Variants in MIA2 observed in about 807,000 individuals in gnomAD.
MIA2 encodes the protein melanoma inhibitory activity protein 2.
Under a neutral mutation model 167.8 loss-of-function variants are expected in MIA2, and 127 were observed. The ratio of observed to expected loss-of-function variants is 0.76; its 90% CI spans 0.66 to 0.88. MIA2 has a LOEUF of 0.88. MIA2 is among the 40% of genes least tolerant of loss of function. The probability of loss-of-function intolerance (pLI) is 0.00; values close to 1 mark genes in which losing one functional copy is unlikely to be tolerated. For synonymous variants in MIA2, 552 were observed against 541.9 expected, an observed-to-expected ratio of 1.02 and a Z score of -0.26; for missense variants, 1,690 against 1,624.7, an observed-to-expected ratio of 1.04 and a Z score of -0.69.
At chr14:39,310,367 A>G (rs1039848329) in intron 18 of MIA2, among the ~76,000 whole-genome samples, 1 of 152,224 alleles carries the variant, frequency 6.6e-6, no homozygotes, top group Non-Finnish European at 1.5e-5. Context: ...TTTAAGCACA[A>G]GAATGCTGTG....
In MIA2 at chr14:39,246,990, A is replaced by G; in HGVS notation, c.416A>G (p.Glu139Gly). The G allele has an allele frequency of 6.4e-7, 1 of 1,562,976 alleles. No individual in the cohort carries two copies. Among genetic ancestry groups the G allele is most frequent in the Non-Finnish European group, 8.6e-7 (1 of 1,160,370 alleles). Residue 139 changes from glutamate to glycine, a missense_variant, in exon 4 of 29, where the codon GAA (glutamate) becomes GGA (glycine). Coordinates refer to ENST00000640607, the MANE Select transcript of MIA2 (RefSeq NM_001329214.4). ...EDSELNGDYGENIYPYEEDKD... is the reference protein window; with the variant it reads ...EDSELNGDYGGNIYPYEEDKD... ...AGTGAATTAAACGGTGATTATGGTG[A>G]AAATATATATCCTTATGAAGAAGAT...
At chr14:39,364,709 A>G (rs1046554793) in intron 23 of MIA2, among the ~76,000 whole-genome samples, 1 of 134,950 alleles carries the variant, frequency 7.4e-6, no homozygotes, top group Non-Finnish European at 1.7e-5. Context: ...CTTGGCTGAT[A>G]GTTTGTTTTT....
intron 6 of MIA2, among the ~76,000 whole-genome samples, chr14:39,275,113 C>T: frequency 8.3e-6 from 1 of 120,334 alleles, no homozygotes. Flanking sequence ...TAAATTATTC[C>T]TTAATTTCCA....
At chr14:39,369,639 T>C (rs2074895101) in intron 23 of MIA2, among the ~76,000 whole-genome samples, 1 of 152,240 alleles carries the variant, frequency 6.6e-6, no homozygotes, top group Non-Finnish European at 1.5e-5. Context: ...GCCTCCTTTA[T>C]TCTTTTTACT....
At chr14:39,360,107 G>T (rs1468880691) in intron 23 of MIA2, among the ~76,000 whole-genome samples, 1 of 151,444 alleles carries the variant, frequency 6.6e-6, no homozygotes, top group Non-Finnish European at 1.5e-5. Flanking sequence ...TTGGAGACCA[G>T]CATGGCCAAT....
intron 18 of MIA2, among the ~76,000 whole-genome samples, chr14:39,311,462 GTTGCT>G (rs1379637836): frequency 0.035 from 3,801 of 109,930 alleles, 405 homozygotes; most frequent in East Asian, 0.13. Context: ...AGCTTGATGT[GTTGCT>G]TTTTTTTTTT....
intron 22 of MIA2, among the ~76,000 whole-genome samples, chr14:39,318,779 A>G (rs1595551658): frequency 6.6e-6 from 1 of 152,166 alleles, no homozygotes; most frequent in Admixed American, 6.5e-5. Context: ...TACAATGGAA[A>G]GCATACATGA....
intron 1 of MIA2, 43 bp downstream of exon 1, chr14:39,234,272 T>C: frequency 8.0e-7 from 1 of 1,256,502 alleles, no homozygotes; most frequent in Non-Finnish European, 1.2e-6. Flanking sequence ...AAATTGAGGC[T>C]CTGCAATGAC....
intron 24 of MIA2, among the ~76,000 whole-genome samples, chr14:39,322,023 C>T (rs943204912): frequency 4.6e-5 from 7 of 151,868 alleles, no homozygotes; most frequent in Non-Finnish European, 8.8e-5. Context: ...GTGATCCACC[C>T]GCCTCAGCCT....
chr14:39,264,895 A>T (rs1177144010), intron 6 of MIA2, among the ~76,000 whole-genome samples: 1 of 152,204 alleles, frequency 6.6e-6, no homozygotes, highest in East Asian at 1.9e-4. Flanking sequence ...TATCACAAAC[A>T]CTAACAGCAT....
Position 39,314,804 on chromosome 14 carries a change from A to ATGTG in MIA2, c.3180+6_3180+7insGTGT, listed in dbSNP as rs775505742. On this transcript the variant is annotated splice_donor_region_variant and intron_variant, in intron 20 of 28. Coordinates refer to ENST00000640607, the MANE Select transcript of MIA2 (RefSeq NM_001329214.4). ...ATTCATTCTTATCAAGGGCAGGTAT[A>ATGTG]TATATATGTGTGTGTGTGTGTGTGT... 9 of 1,215,916 alleles carry ATGTG rather than the reference A, an allele frequency of 7.4e-6. No individual in the cohort carries two copies. Among genetic ancestry groups the ATGTG allele is most frequent in the African/African-American group, 4.2e-5 (2 of 47,210 alleles). The allele number at this position is 1,215,916 out of a possible 1,614,324, so 75.3% of individuals were successfully genotyped here.
At chr14:39,316,015 C>T (rs1421271103) in intron 21 of MIA2, among the ~76,000 whole-genome samples, 3 of 152,094 alleles carry the variant, frequency 2.0e-5, no homozygotes, top group Non-Finnish European at 4.4e-5. Flanking sequence ...ACTGGATTGC[C>T]ACTAATTAGT....
In MIA2 at chr14:39,326,924, G is replaced by A. The variant is rs368983768; in HGVS notation, c.3557G>A (p.Ser1186Asn). Residue 1186 changes from serine to asparagine, a missense_variant, in exon 25 of 29, where the codon AGC (serine) becomes AAC (asparagine). Transcript: ENST00000640607. ...ATTACCAATGAAAGAGGAGAATCAA[G>A]CTGTGATAGGTTAACCGATCCTCAT... ...HQITNERGESSCDRLTDPHRA... is the reference protein window; with the variant it reads ...HQITNERGESNCDRLTDPHRA... 1.3e-6 allele frequency: 2 copies of A among 1,597,818 alleles called. No individual in the cohort carries two copies. The highest frequency in any genetic ancestry group is 8.5e-7 in the Non-Finnish European group (1 of 1,173,182).
chr14:39,267,353 C>T (rs111616002), intron 6 of MIA2: 12 of 1,576,964 alleles, frequency 7.6e-6, no homozygotes, highest in Admixed American at 1.9e-5. Context: ...CTCCGGTTGC[C>T]GGGTGCGGAT....
chr14:39,299,942 G>T lies in MIA2; in HGVS notation c.2575G>T (p.Val859Leu). The change falls in exon 14 of 29, where the codon GTA (valine) becomes TTA (leucine). Residue 859 changes from valine (V) to leucine (L), a missense_variant. Transcript: ENST00000640607. ...GAAAGTAACATTTGAAGACTCCAAAGTACATGCAGAACAAGTTCTAAATGA... is the reference window on the plus strand; with the variant it reads ...GAAAGTAACATTTGAAGACTCCAAATTACATGCAGAACAAGTTCTAAATGA... Reference protein sequence around the residue: ...KQKVTFEDSKVHAEQVLNDKE... With the variant: ...KQKVTFEDSKLHAEQVLNDKE... The T allele has an allele frequency of 6.2e-7, 1 of 1,609,580 alleles. No individual in the cohort carries two copies. The highest frequency in any genetic ancestry group is 8.5e-7 in the Non-Finnish European group (1 of 1,178,572).
intron 23 of MIA2, among the ~76,000 whole-genome samples, chr14:39,363,597 A>G (rs902091721): frequency 2.0e-5 from 3 of 152,124 alleles, no homozygotes; most frequent in Non-Finnish European, 2.9e-5. Flanking sequence ...CTGGGAGAGC[A>G]ATGTTTTGTT....
At chr14:39,307,983 C>T (rs1367033321) in intron 17 of MIA2, among the ~76,000 whole-genome samples, 3 of 151,996 alleles carry the variant, frequency 2.0e-5, no homozygotes, top group Admixed American at 2.0e-4. Context: ...TTAGCAGATA[C>T]AAAATTATAA....
intron 23 of MIA2, chr14:39,386,848 C>G (rs1442280314): frequency 1.2e-6 from 1 of 868,192 alleles, no homozygotes; most frequent in Non-Finnish European, 2.0e-6. Flanking sequence ...CGTCTCTCTT[C>G]TACTTTAACT....
chr14:39,308,901 C>T (rs2063770233), intron 18 of MIA2, among the ~76,000 whole-genome samples: 1 of 152,112 alleles, frequency 6.6e-6, no homozygotes, highest in Non-Finnish European at 1.5e-5. Context: ...TTAAACTGCC[C>T]ATTAATTCCA....
Sources: gnomAD v4.1 joint callset for allele counts (sites outside exome capture counted in the v4.1 genomes callset) on GRCh38, gnomAD v4.1.1 for gene constraint, MANE v1.5 for transcripts, NCBI Gene and HGNC (gene_info 2026-07-23, HGNC 2026-07-21) for gene names.